The following FARP2 variants were observed in gnomAD, a reference collection of about 807,000 sequenced individuals.
FARP2 encodes the protein FERM, ARH/RhoGEF and pleckstrin domain protein 2.
A neutral mutation model predicts 130.5 loss-of-function variants in FARP2; 111 were observed. The ratio of observed to expected loss-of-function variants is 0.85; its 90% CI spans 0.73 to 1.00. The LOEUF is 1.00. Ranked by LOEUF, FARP2 falls within the 50% of genes least tolerant of loss-of-function variation. The pLI is 0.00. For missense variants in FARP2, 1,385 were observed against 1,346.3 expected (o/e 1.03, Z -0.45); for synonymous variants, 504 against 516.9 (o/e 0.98, Z 0.34).
intron 4 of FARP2, among the ~76,000 whole-genome samples, chr2:241,406,819 A>AT (rs2062365892): frequency 6.6e-6 from 1 of 151,004 alleles, no homozygotes; most frequent in South Asian, 2.1e-4. Flanking sequence ...TTATTTATTT[A>AT]TTTTTTGAGA....
intron 17 of FARP2, chr2:241,465,698 C>T: frequency 6.4e-7 from 1 of 1,550,978 alleles, no homozygotes; most frequent in Non-Finnish European, 8.7e-7. Flanking sequence ...CACCACGTGA[C>T]CGCCCAAGGT....
chr2:241,381,072 T>C (rs965884168), intron 2 of FARP2, among the ~76,000 whole-genome samples: 5 of 152,122 alleles, frequency 3.3e-5, no homozygotes, highest in Non-Finnish European at 5.9e-5. Context: ...TTTCCCAACA[T>C]GGGCCCATCC....
At chr2:241,402,731 A>G (rs1277061553) in intron 2 of FARP2, among the ~76,000 whole-genome samples, 1 of 147,776 alleles carries the variant, frequency 6.8e-6, no homozygotes, top group African/African-American at 2.5e-5. Flanking sequence ...CAGTGGCACA[A>G]TCTCAACTCA....
At position 241,459,256 on chromosome 2, in the gene FARP2, C is replaced by T. The variant is rs2063948410; in HGVS notation, c.1587+2334C>T. On this transcript the variant is annotated intron_variant, in intron 14 of 26. Coordinates refer to ENST00000264042, the MANE Select transcript of FARP2 (RefSeq NM_014808.4). This position sits in a 1 kb window ranked among gnomAD's most constrained non-coding sequence, Gnocchi z 5.3. ...TCATGAACCAGTGTGCCCAGCCAGG[C>T]TGCAACAGGTTCTGGGGAGACCCCG... Among the ~76,000 whole-genome samples the T allele has an allele frequency of 6.6e-6, 1 of 152,220 alleles. No individual in the cohort carries two copies. Among genetic ancestry groups the T allele is most frequent in the Admixed American group, 6.5e-5 (1 of 15,292 alleles).
intron 22 of FARP2, 37 bp from the exon 23 acceptor site, chr2:241,491,024 A>G (rs1205871985): frequency 3.3e-6 from 5 of 1,502,372 alleles, no homozygotes; most frequent in Middle Eastern, 1.8e-4. Context: ...TACACAAGGA[A>G]GAGCAGAGCC....
At chr2:241,376,523 G>GC (rs1429359884) in intron 2 of FARP2, among the ~76,000 whole-genome samples, 1 of 59,462 alleles carries the variant, frequency 1.7e-5, no homozygotes, top group East Asian at 5.1e-4. Flanking sequence ...TGAGTGGGCA[G>GC]AGTCCCCCTC....
chr2:241,392,077 G>A (rs1042403932), intron 2 of FARP2, among the ~76,000 whole-genome samples: 1 of 152,220 alleles, frequency 6.6e-6, no homozygotes, highest in Non-Finnish European at 1.5e-5. Flanking sequence ...GCAAGGCTGA[G>A]GTGCAGACCC....
At chr2:241,389,751 T>C (rs561630149) in intron 2 of FARP2, among the ~76,000 whole-genome samples, 1 of 152,228 alleles carries the variant, frequency 6.6e-6, no homozygotes, top group African/African-American at 2.4e-5. Context: ...GTTTTTAATA[T>C]CTGTTTCTTT....
intron 13 of FARP2, among the ~76,000 whole-genome samples, chr2:241,454,476 T>C (rs1325021343): frequency 1.3e-5 from 2 of 152,200 alleles, no homozygotes; most frequent in Admixed American, 6.5e-5. Flanking sequence ...ACATAAAATA[T>C]CTCCTTGTGA....
chr2:241,463,445 G>A lies in FARP2; in HGVS notation c.1788G>A (p.Glu596=). 4 of 1,613,944 alleles carry A rather than the reference G, an allele frequency of 2.5e-6. No individual in the cohort carries two copies. In the Admixed American group the frequency reaches 6.7e-5, roughly 27 times the overall value. ...IYEFHRGFLR[E]VEQRLALWEG... ...AGTTCCACAGAGGCTTCCTGCGCGAGGTGGAGCAGAGGCTGGCACTCTGGT... is the reference window on the plus strand; with the variant it reads ...AGTTCCACAGAGGCTTCCTGCGCGAAGTGGAGCAGAGGCTGGCACTCTGGT... Residue 596 remains glutamate (E), a synonymous_variant, in exon 16 of 27, where the codon GAG becomes GAA. Transcript: ENST00000264042.
intron 19 of FARP2, among the ~76,000 whole-genome samples, chr2:241,481,796 G>A (rs1289182525): frequency 3.9e-5 from 6 of 152,196 alleles, no homozygotes; most frequent in African/African-American, 1.2e-4. Flanking sequence ...AGGCAAAGGT[G>A]TAGGCTCTTG....
chr2:241,392,930 G>A (rs550239299), intron 2 of FARP2, among the ~76,000 whole-genome samples: 1 of 149,716 alleles, frequency 6.7e-6, no homozygotes, highest in East Asian at 2.0e-4. Flanking sequence ...GCAATAGAGC[G>A]AGACTCCATC....
intron 8 of FARP2, among the ~76,000 whole-genome samples, chr2:241,418,639 T>C (rs954252067): frequency 6.6e-6 from 1 of 152,168 alleles, no homozygotes; most frequent in Non-Finnish European, 1.5e-5. Flanking sequence ...TTCTGAAGTG[T>C]TTGTATTAGT....
At chr2:241,451,382 C>T (rs920587848) in intron 13 of FARP2, among the ~76,000 whole-genome samples, 23 of 152,162 alleles carry the variant, frequency 1.5e-4, no homozygotes, top group Non-Finnish European at 2.5e-4. Context: ...TCCATCCCAG[C>T]AAAAGTGCAG....
intron 13 of FARP2, chr2:241,442,039 T>C (rs2063397060): frequency 2.8e-6 from 1 of 359,216 alleles, no homozygotes; most frequent in African/African-American, 2.1e-5. Context: ...GGAAAGTGAC[T>C]TCAATGGGAA....
At chr2:241,390,968 T>G (rs2061891081) in intron 2 of FARP2, among the ~76,000 whole-genome samples, 1 of 152,238 alleles carries the variant, frequency 6.6e-6, no homozygotes, top group Non-Finnish European at 1.5e-5. Context: ...GCTTCCCTTC[T>G]GAAAATGACA....
At chr2:241,441,665 C>T in intron 13 of FARP2, 109 bp downstream of exon 13, 1 of 1,476,114 alleles carries the variant, frequency 6.8e-7, no homozygotes. Flanking sequence ...GAGCTCAGCG[C>T]TGCTTGTAAA....
chr2:241,436,606 C>A, intron 12 of FARP2, 68 bp downstream of exon 12: 1 of 1,214,950 alleles, frequency 8.2e-7, no homozygotes, highest in South Asian at 1.2e-5. Flanking sequence ...AATAGTCTGT[C>A]AGTATTGTAA....
chr2:241,486,477 A>C (rs1009697054), intron 21 of FARP2, among the ~76,000 whole-genome samples: 1 of 139,694 alleles, frequency 7.2e-6, no homozygotes, highest in Non-Finnish European at 1.5e-5. Flanking sequence ...AAAAAAAAAA[A>C]AAAAAAAAAA....
Sources: allele counts gnomAD v4.1 joint callset (sites outside exome capture counted in the v4.1 genomes callset), GRCh38; gene constraint gnomAD v4.1.1; non-coding constraint Gnocchi (gnomAD v3.1); transcripts MANE v1.5; gene names NCBI Gene and HGNC (gene_info 2026-07-23, HGNC 2026-07-21).